Variants in SPEF2 observed in about 807,000 individuals in gnomAD.
The protein encoded by SPEF2 is sperm flagellar and cilia associated 2.
SPEF2 carries 187 observed loss-of-function variants against 224.6 expected under a neutral mutation model. That is an observed-to-expected ratio of 0.83 (90% CI 0.74 to 0.94). The LOEUF (loss-of-function observed/expected upper bound fraction) is 0.94, where lower values mean the gene tolerates loss of function less well. SPEF2 is among the 40% of genes least tolerant of loss of function. SPEF2 has a pLI of 0.00. For synonymous variants in SPEF2, 715 were observed against 707.3 expected, an observed-to-expected ratio of 1.01 and a Z score of -0.17; for missense variants, 2,170 against 2,135.6, an observed-to-expected ratio of 1.02 and a Z score of -0.32.
In SPEF2 at chr5:35,790,159, G is replaced by A. The variant is rs987203455; in HGVS notation, c.4448-2181G>A. ...TCAGCTGAAGCAGAACATGGCTTTA[G>A]TCAGATGAAATGGACCAAGTCACAT... On this transcript the variant is annotated intron_variant, in intron 30 of 36. Coordinates refer to ENST00000356031, the MANE Select transcript of SPEF2 (RefSeq NM_024867.4). 2.1e-5 allele frequency: 15 copies of A among 702,750 alleles called. No homozygotes were observed. In the African/African-American group the frequency reaches 2.4e-4, roughly 11 times the overall value. The allele number at this position is 702,750 out of a possible 1,614,324, so 43.5% of individuals were successfully genotyped here. A position where few individuals can be genotyped will look rare whatever the true frequency, so the allele number is the denominator to read the frequency against.
chr5:35,677,282 C>T (rs928544581), intron 10 of SPEF2, among the ~76,000 whole-genome samples: 1 of 152,014 alleles, frequency 6.6e-6, no homozygotes, highest in South Asian at 2.1e-4. Flanking sequence ...ATAGTAAGAC[C>T]ATGGAAATTA....
intron 34 of SPEF2, among the ~76,000 whole-genome samples, chr5:35,802,004 C>G (rs181061503): frequency 1.8e-3 from 277 of 152,296 alleles, no homozygotes; most frequent in African/African-American, 6.3e-3. Context: ...ACAAAAGAAG[C>G]CAAACTTGCT....
chr5:35,769,151 A>G (rs902636458), intron 26 of SPEF2, among the ~76,000 whole-genome samples: 2 of 152,174 alleles, frequency 1.3e-5, no homozygotes, highest in African/African-American at 4.8e-5. Flanking sequence ...ATTATGATGC[A>G]TAATTATGCA....
At chr5:35,799,775 T>TC (rs959184951) in intron 33 of SPEF2, among the ~76,000 whole-genome samples, 193 bp from the exon 34 acceptor site, 35 of 152,266 alleles carry the variant, frequency 2.3e-4, no homozygotes, top group African/African-American at 7.9e-4. Flanking sequence ...TTACAATATT[T>TC]CAGGGCCCCA....
At chr5:35,790,983 G>A (rs1264039881) in intron 30 of SPEF2, 1 of 152,096 alleles carries the variant, frequency 6.6e-6, no homozygotes, top group Non-Finnish European at 1.5e-5. Context: ...ATAACACTTT[G>A]TTTTGCCCCG....
rs113845767 is a variant in SPEF2, at chr5:35,739,761, A to G, written c.3064-158A>G. On this transcript the variant is annotated intron_variant, in intron 21 of 36. Transcript: ENST00000356031. Reference sequence around the variant, plus strand: ...TGGAATATGAATTTGCTGGAGTGGGAGGCGTGTGAGAGAAGAGGAGCAAGA... The same window carrying G: ...TGGAATATGAATTTGCTGGAGTGGGGGGCGTGTGAGAGAAGAGGAGCAAGA... 4.0e-3 allele frequency among the ~76,000 whole-genome samples: 609 copies of G among 152,258 alleles called. 10 individuals carry two copies. The highest frequency in any genetic ancestry group is 0.014 in the African/African-American group (583 of 41,558).
At chr5:35,787,109 T>C (rs1755258619) in intron 30 of SPEF2, among the ~76,000 whole-genome samples, 1 of 152,194 alleles carries the variant, frequency 6.6e-6, no homozygotes, top group Non-Finnish European at 1.5e-5. Flanking sequence ...TTTAGTTTTT[T>C]ATCCTTCTGT....
intron 2 of SPEF2, among the ~76,000 whole-genome samples, chr5:35,636,307 A>G (rs1745827740): frequency 6.6e-6 from 1 of 152,180 alleles, no homozygotes; most frequent in African/African-American, 2.4e-5. Context: ...GATGTTTTCA[A>G]TGCTCTGGCA....
intron 36 of SPEF2, chr5:35,807,802 C>A (rs1758262523): frequency 6.5e-7 from 1 of 1,535,054 alleles, no homozygotes; most frequent in African/African-American, 1.4e-5. Context: ...AATCACATAA[C>A]CACCAAGCAG....
chr5:35,641,419 T>G lies in SPEF2; in HGVS notation c.162-12T>G. The G allele has an allele frequency of 6.3e-7, 1 of 1,598,974 alleles. No homozygotes were observed. Among genetic ancestry groups the G allele is most frequent in the African/African-American group, 1.3e-5 (1 of 74,162 alleles). On this transcript the variant is annotated splice_polypyrimidine_tract_variant and intron_variant, in intron 2 of 36. Transcript: ENST00000356031. Reference sequence around the variant, plus strand: ...GCTAATGTCTAATTATGTAAAATATTTTACTGTCCAGGGTTTCAAGTGCCA... The same window carrying G: ...GCTAATGTCTAATTATGTAAAATATGTTACTGTCCAGGGTTTCAAGTGCCA...
At chr5:35,671,316 T>C (rs1239594491) in intron 10 of SPEF2, 1 of 956,824 alleles carries the variant, frequency 1.0e-6, no homozygotes, top group East Asian at 1.1e-4. Flanking sequence ...TAAGGAAAAA[T>C]ATGAGATTAT....
In SPEF2 at chr5:35,710,283, C is replaced by T. The variant is rs189324996; in HGVS notation, c.2839+1162C>T. 1.0e-5 allele frequency: 10 copies of T among 978,910 alleles called. No homozygotes were observed. The Admixed American group carries it at 1.8e-4, about 18-fold the overall frequency. 60.6% of individuals were successfully genotyped at this position (978,910 alleles called of 1,614,324 possible). ...TTAGAACTGGGGAAGACAGGCCAAG[C>T]ATGGTGGCTCATCCCTGTAATCCCA... On this transcript the variant is annotated intron_variant, in intron 19 of 36. Transcript: ENST00000356031.
intron 7 of SPEF2, among the ~76,000 whole-genome samples, chr5:35,655,344 AC>A (rs1748826445): frequency 6.6e-6 from 1 of 152,234 alleles, no homozygotes; most frequent in Non-Finnish European, 1.5e-5. Context: ...TACATTGAAC[AC>A]ATATTTATTG....
intron 9 of SPEF2, 113 bp from the exon 10 acceptor site, chr5:35,669,946 T>C (rs1442463164): frequency 7.5e-6 from 6 of 802,132 alleles, no homozygotes; most frequent in Non-Finnish European, 9.7e-6. Flanking sequence ...TTTCAGTAAT[T>C]ATTTCTGTCT....
At chr5:35,787,814 T>C in intron 30 of SPEF2, 1 of 549,740 alleles carries the variant, frequency 1.8e-6, no homozygotes, top group South Asian at 2.9e-5. Context: ...TAAGCAAAAC[T>C]GAGGGTAGAA....
chr5:35,764,608 A>G (rs1182487124), intron 26 of SPEF2: 8 of 456,060 alleles, frequency 1.8e-5, no homozygotes, highest in Non-Finnish European at 8.8e-6. Context: ...TTTCCATGAA[A>G]TATCGCATTC....
intron 9 of SPEF2, among the ~76,000 whole-genome samples, chr5:35,669,803 G>A (rs1750980643): frequency 1.3e-5 from 2 of 151,964 alleles, no homozygotes; most frequent in South Asian, 2.1e-4. Flanking sequence ...TGTGCAAAAC[G>A]AACAAACTGA....
intron 16 of SPEF2, chr5:35,702,182 C>T (rs1441861816): frequency 2.2e-6 from 1 of 456,184 alleles, no homozygotes; most frequent in Non-Finnish European, 4.4e-6. Flanking sequence ...GAGTGGGAGC[C>T]TAGCCACTAG....
intron 26 of SPEF2, among the ~76,000 whole-genome samples, chr5:35,768,875 A>C (rs1752429908): frequency 6.6e-6 from 1 of 152,162 alleles, no homozygotes; most frequent in Admixed American, 6.6e-5. Flanking sequence ...GCACTTTAAC[A>C]CAGGCTTTTT....
Sources: allele counts gnomAD v4.1 joint callset (sites outside exome capture counted in the v4.1 genomes callset), GRCh38; gene constraint gnomAD v4.1.1; transcripts MANE v1.5; gene names NCBI Gene and HGNC (gene_info 2026-07-23, HGNC 2026-07-21).